UNC13B: variants seen among roughly 807,000 people sequenced by gnomAD.
UNC13B encodes the protein protein unc-13 homolog B.
UNC13B carries 144 observed loss-of-function variants against 211.0 expected under a neutral mutation model. That is an observed-to-expected ratio of 0.68 (90% CI 0.60 to 0.78). UNC13B has a LOEUF of 0.78. Among genes scored for constraint, UNC13B ranks in the 30% least tolerant of loss-of-function variants. UNC13B has a pLI of 0.00. For missense variants in UNC13B, 1,777 were observed against 2,002.0 expected (o/e 0.89, Z 2.14); for synonymous variants, 709 against 725.8 (o/e 0.98, Z 0.37).
chr9:35,375,717 A>G (rs963904815), intron 14 of UNC13B, among the ~76,000 whole-genome samples: 3 of 152,226 alleles, frequency 2.0e-5, no homozygotes, highest in Non-Finnish European at 2.9e-5. Flanking sequence ...ATGTTGGCTT[A>G]TGCCTGTAAT....
chr9:35,404,159 T>C lies in UNC13B; in HGVS notation c.*126T>C, dbSNP rs1386720020. 1 of 1,330,066 alleles carries C rather than the reference T, an allele frequency of 7.5e-7. No individual in the cohort carries two copies. Among genetic ancestry groups the C allele is most frequent in the African/African-American group, 1.5e-5 (1 of 67,704 alleles). The allele number at this position is 1,330,066 out of a possible 1,614,324, so 82.4% of individuals were successfully genotyped here. A position where few individuals can be genotyped will look rare whatever the true frequency, so the allele number is the denominator to read the frequency against. On this transcript the variant is annotated 3_prime_UTR_variant, in exon 40 of 40. Transcript: ENST00000635942. ...GCTGACCCCTTCAGTTAAAGATATTTAAGGAAAAATTTGGGGTGGTGATAA... is the reference window on the plus strand; with the variant it reads ...GCTGACCCCTTCAGTTAAAGATATTCAAGGAAAAATTTGGGGTGGTGATAA...
intron 1 of UNC13B, among the ~76,000 whole-genome samples, chr9:35,214,416 G>T (rs1186660101): frequency 6.6e-6 from 1 of 151,978 alleles, no homozygotes; most frequent in Non-Finnish European, 1.5e-5. Flanking sequence ...AACAGAACAA[G>T]ACTCTGTCTC....
At chr9:35,173,549 G>A (rs1268568406) in intron 1 of UNC13B, among the ~76,000 whole-genome samples, 1 of 151,712 alleles carries the variant, frequency 6.6e-6, no homozygotes, top group African/African-American at 2.4e-5. Context: ...TCAGCCTCGC[G>A]AGTAGTTGGG....
intron 6 of UNC13B, among the ~76,000 whole-genome samples, chr9:35,248,153 T>C (rs1248876750): frequency 3.3e-5 from 5 of 152,252 alleles, no homozygotes; most frequent in Non-Finnish European, 7.3e-5. Context: ...GAGGTGTTTA[T>C]AGTATTCTCT....
At chr9:35,234,177 A>C (rs1825364812) in intron 3 of UNC13B, among the ~76,000 whole-genome samples, 1 of 152,052 alleles carries the variant, frequency 6.6e-6, no homozygotes, top group Non-Finnish European at 1.5e-5. Context: ...GTGCAGTGGC[A>C]GCATCTTGGC....
rs1564042847 is a variant in UNC13B, at chr9:35,172,032, T to C, written c.22+9727T>C. ...CCTATTTCCTTCATTTAAAATTTTA[T>C]TTATTAATTTTTTTTTGTAGAGATG... On this transcript the variant is annotated intron_variant, in intron 1 of 39. Coordinates refer to ENST00000635942, the MANE Select transcript of UNC13B (RefSeq NM_001371189.2). 3.3e-5 allele frequency among the ~76,000 whole-genome samples: 5 copies of C among 151,896 alleles called. No individual in the cohort carries two copies. In the South Asian group the frequency reaches 1.0e-3, roughly 31 times the overall value.
chr9:35,203,231 G>A (rs1324379850), intron 1 of UNC13B, among the ~76,000 whole-genome samples: 6 of 152,170 alleles, frequency 3.9e-5, no homozygotes, highest in Admixed American at 2.0e-4. Context: ...CTTGTTAGTT[G>A]ATGCAGTTTC....
Position 35,213,320 on chromosome 9 carries a change from C to T in UNC13B, c.23-14695C>T, listed in dbSNP as rs184339530. Among the ~76,000 whole-genome samples, 10 of 152,204 alleles carry T rather than the reference C, an allele frequency of 6.6e-5. No homozygotes were observed. In the East Asian group the frequency reaches 7.7e-4, roughly 12 times the overall value. On this transcript the variant is annotated intron_variant, in intron 1 of 39. Coordinates refer to ENST00000635942, the MANE Select transcript of UNC13B (RefSeq NM_001371189.2). ...CACCAGGCAGTTTGTACTCCTTTCC[C>T]GGTCTCCCCTGCATCTGGTATCAGG...
chr9:35,353,226 G>T (rs1832831710), intron 11 of UNC13B: 6 of 1,232,302 alleles, frequency 4.9e-6, no homozygotes, highest in Non-Finnish European at 6.1e-6. Context: ...TGTGTTCTGG[G>T]TGGCTCTCAG....
Position 35,397,673 on chromosome 9 carries a change from G to T in UNC13B, c.11715G>T (p.Leu3905Phe). The T allele has an allele frequency of 6.2e-7, 1 of 1,614,056 alleles. No individual in the cohort carries two copies. Among genetic ancestry groups the T allele is most frequent in the Non-Finnish European group, 8.5e-7 (1 of 1,179,996 alleles). ...TGCTGATGCAGTATGCAGACATCTTGTCAAAGGACTTCCCAGCCTATTGCA... is the reference window on the plus strand; with the variant it reads ...TGCTGATGCAGTATGCAGACATCTTTTCAAAGGACTTCCCAGCCTATTGCA... ...GKVLMQYADILSKDFPAYCTK... is the reference protein window; with the variant it reads ...GKVLMQYADIFSKDFPAYCTK... The change falls in exon 30 of 40, where the codon TTG (leucine) becomes TTT (phenylalanine). Residue 3905 changes from leucine to phenylalanine, a missense_variant. Transcript: ENST00000635942.
chr9:35,329,750 A>C (rs1440162330), intron 11 of UNC13B, among the ~76,000 whole-genome samples: 3 of 152,112 alleles, frequency 2.0e-5, no homozygotes, highest in African/African-American at 7.2e-5. Flanking sequence ...TGGCCTCCCA[A>C]AGTGCTGGGA....
chr9:35,203,606 A>G (rs1479590138), intron 1 of UNC13B, among the ~76,000 whole-genome samples: 1 of 152,040 alleles, frequency 6.6e-6, no homozygotes, highest in Non-Finnish European at 1.5e-5. Flanking sequence ...CCTTCATTTC[A>G]ACAGGATCTG....
intron 17 of UNC13B, among the ~76,000 whole-genome samples, chr9:35,380,137 G>T (rs1278837897): frequency 6.6e-6 from 1 of 152,128 alleles, no homozygotes; most frequent in East Asian, 1.9e-4. Context: ...GAGCTCCGTG[G>T]CATGTCTAGC....
In UNC13B at chr9:35,269,310, A is replaced by G. The variant is rs566435160; in HGVS notation, c.526+10260A>G. 5.9e-5 allele frequency among the ~76,000 whole-genome samples: 9 copies of G among 152,354 alleles called. No individual in the cohort carries two copies. The East Asian group carries it at 1.7e-3, about 29-fold the overall frequency. Reference sequence around the variant, plus strand: ...TTAAAAGGATATTTTAAAGGATACAAACAAATAGCCAGATGAAATGATACA... The same window carrying G: ...TTAAAAGGATATTTTAAAGGATACAGACAAATAGCCAGATGAAATGATACA... On this transcript the variant is annotated intron_variant, in intron 7 of 39. Coordinates refer to ENST00000635942, the MANE Select transcript of UNC13B (RefSeq NM_001371189.2).
chr9:35,189,477 G>A (rs1049939048), intron 1 of UNC13B, among the ~76,000 whole-genome samples: 2 of 152,128 alleles, frequency 1.3e-5, no homozygotes, highest in African/African-American at 4.8e-5. Flanking sequence ...GCATTTTGAC[G>A]ACACTTGCAT....
At chr9:35,247,815 C>G (rs1402379960) in intron 6 of UNC13B, among the ~76,000 whole-genome samples, 1 of 152,152 alleles carries the variant, frequency 6.6e-6, no homozygotes, top group East Asian at 1.9e-4. Flanking sequence ...CTAAAATTCT[C>G]TCTTTTTGTT....
chr9:35,388,851 C>T (rs547655684), intron 24 of UNC13B, among the ~76,000 whole-genome samples: 2 of 152,268 alleles, frequency 1.3e-5, no homozygotes, highest in East Asian at 3.9e-4. Flanking sequence ...GTAGAAAGAT[C>T]ACGATAGCTG....
intron 13 of UNC13B, among the ~76,000 whole-genome samples, chr9:35,372,092 A>C (rs1834167049): frequency 6.6e-6 from 1 of 152,186 alleles, no homozygotes; most frequent in Admixed American, 6.5e-5. Flanking sequence ...CAACATAGTG[A>C]AACACTGTTT....
At chr9:35,352,888 A>T in intron 11 of UNC13B, 3 of 1,232,196 alleles carry the variant, frequency 2.4e-6, no homozygotes, top group Non-Finnish European at 3.0e-6. Context: ...AACATGAAGC[A>T]TGTAAAGTAG....
Sources: allele counts gnomAD v4.1 joint callset (sites outside exome capture counted in the v4.1 genomes callset), GRCh38; gene constraint gnomAD v4.1.1; transcripts MANE v1.5; gene names NCBI Gene and HGNC (gene_info 2026-07-23, HGNC 2026-07-21).